USH1C: variants seen among roughly 807,000 people sequenced by gnomAD.
USH1C encodes the protein harmonin.
Under a neutral mutation model 119.3 loss-of-function variants are expected in USH1C, and 90 were observed. The ratio of observed to expected loss-of-function variants is 0.75; its 90% CI spans 0.64 to 0.90. USH1C has a LOEUF of 0.90. Ranked by LOEUF, USH1C falls within the 40% of genes least tolerant of loss-of-function variation. The pLI is 0.00. For synonymous variants in USH1C, 465 were observed against 443.3 expected (o/e 1.05, Z -0.62); for missense variants, 1,165 against 1,167.7 (o/e 1.00, Z 0.03).
chr11:17,502,312 C>A (rs962625009), intron 20 of USH1C, among the ~76,000 whole-genome samples: 2 of 152,104 alleles, frequency 1.3e-5, no homozygotes, highest in African/African-American at 4.8e-5. Context: ...GTCTCAGCCC[C>A]AGCCTCAAGT....
At chr11:17,499,692 T>A (rs1343195980) in intron 23 of USH1C, among the ~76,000 whole-genome samples, 1 of 152,128 alleles carries the variant, frequency 6.6e-6, no homozygotes, top group Admixed American at 6.5e-5. Context: ...ATGGCTGAAA[T>A]GAAAGCTTAA....
intron 8 of USH1C, among the ~76,000 whole-genome samples, chr11:17,525,837 C>G (rs1450329303): frequency 6.6e-6 from 1 of 152,200 alleles, no homozygotes; most frequent in Non-Finnish European, 1.5e-5. Flanking sequence ...AAATTGGGCT[C>G]TGTTAGAGAT....
chr11:17,499,453 GAC>G (rs561797284), intron 23 of USH1C, among the ~76,000 whole-genome samples: 103 of 152,342 alleles, frequency 6.8e-4, no homozygotes, highest in African/African-American at 2.3e-3. Context: ...ACAAATCCAT[GAC>G]AGAGTCTCAG....
intron 18 of USH1C, 72 bp from the exon 19 acceptor site, chr11:17,506,021 AC>A: frequency 1.9e-6 from 3 of 1,606,784 alleles, no homozygotes; most frequent in Non-Finnish European, 2.6e-6. Context: ...TGCTACTTCT[AC>A]ACACATGCAA....
intron 20 of USH1C, among the ~76,000 whole-genome samples, chr11:17,503,748 G>A (rs765087974): frequency 3.3e-5 from 5 of 152,352 alleles, no homozygotes; most frequent in Non-Finnish European, 7.3e-5. Flanking sequence ...CTGTGCCATC[G>A]TGGGCACATT....
chr11:17,517,007 C>T (rs1850179963), intron 14 of USH1C, among the ~76,000 whole-genome samples: 1 of 152,186 alleles, frequency 6.6e-6, no homozygotes, highest in Non-Finnish European at 1.5e-5. Flanking sequence ...GAATTACCCA[C>T]CCCGGACCAG....
In USH1C at chr11:17,494,078, A is replaced by G; in HGVS notation, c.*254T>C. ...GGAGAGACCAAATTCACTGGGCCAG[A>G]GGAAAGGAATGAGAGTCTGGATCCT... On this transcript the variant is annotated 3_prime_UTR_variant, in exon 27 of 27. Transcript: ENST00000005226. 1 of 544,174 alleles carries G rather than the reference A, an allele frequency of 1.8e-6. No homozygotes were observed. Among genetic ancestry groups the G allele is most frequent in the Non-Finnish European group, 3.3e-6 (1 of 301,602 alleles). 33.7% of individuals were successfully genotyped at this position (544,174 alleles called of 1,614,324 possible).
At chr11:17,500,800 G>A (rs1171137503) in intron 23 of USH1C, among the ~76,000 whole-genome samples, 3 of 152,114 alleles carry the variant, frequency 2.0e-5, no homozygotes, top group African/African-American at 4.8e-5. Context: ...GCAATTCTGA[G>A]TCCGTCTCCC....
In USH1C at chr11:17,531,044, G is replaced by C; in HGVS notation, c.387+110C>G. ...GCGCCAGCCTCTTCTTCACCCGAAG[G>C]CTCAGAAAAGTGGGTGACCATGTTG... On this transcript the variant is annotated intron_variant, in intron 4 of 26. Transcript: ENST00000005226. The surrounding 1 kb of genome is among the most constrained non-coding windows in gnomAD (Gnocchi z 4.2). 1.3e-6 allele frequency: 2 copies of C among 1,549,304 alleles called. No homozygotes were observed. The highest frequency in any genetic ancestry group is 1.8e-6 in the Non-Finnish European group (2 of 1,136,958).
intron 15 of USH1C, among the ~76,000 whole-genome samples, chr11:17,514,803 T>C (rs200265916): frequency 0.48 from 70,808 of 148,106 alleles, 18,142 homozygotes; most frequent in East Asian, 0.63. Flanking sequence ...AATTCTTTTT[T>C]TTTTTTTTTT....
At position 17,530,816 on chromosome 11, in the gene USH1C, A is replaced by T. The variant is rs183796032; in HGVS notation, c.387+338T>A. ...GGCTTTCTTTCCCCCTGCTGGTAAA[A>T]GGCAACAGGTCCAAAACTTCATATG... On this transcript the variant is annotated intron_variant, in intron 4 of 26. Transcript: ENST00000005226. Among the ~76,000 whole-genome samples, 75 of 152,288 alleles carry T rather than the reference A, an allele frequency of 4.9e-4. 1 individual carries two copies. In the East Asian group the frequency reaches 9.3e-3, roughly 19 times the overall value.
chr11:17,499,887 C>T (rs1204566352), intron 23 of USH1C, among the ~76,000 whole-genome samples: 1 of 152,230 alleles, frequency 6.6e-6, no homozygotes, highest in East Asian at 1.9e-4. Flanking sequence ...ATGGTACAGC[C>T]TGGCTCCAGC....
chr11:17,516,505 C>G (rs958647726), intron 14 of USH1C: 1 of 594,500 alleles, frequency 1.7e-6, no homozygotes, highest in Non-Finnish European at 3.1e-6. Flanking sequence ...AGAAAAGCCC[C>G]GGTTCCCAGG....
chr11:17,522,705 G>A (rs1250067541), intron 12 of USH1C, 79 bp downstream of exon 12: 2 of 1,603,154 alleles, frequency 1.2e-6, no homozygotes, highest in South Asian at 1.1e-5. Context: ...TGGGGACACA[G>A]CGGGCAGGAA....
At chr11:17,539,770 C>CTCTCTGTCTCTG (rs113814329) in intron 1 of USH1C, among the ~76,000 whole-genome samples, 3 of 150,936 alleles carry the variant, frequency 2.0e-5, no homozygotes, top group Admixed American at 6.6e-5. Context: ...GTCTAGGGTT[C>CTCTCTGTCTCTG]TCTCTGTCTC....
In USH1C at chr11:17,544,267, C is replaced by G; in HGVS notation, c.36+5G>C. 6.2e-7 allele frequency: 1 copy of G among 1,614,024 alleles called. No homozygotes were observed. ...CAGAAGCCTGGGGCGCCCTGCAGCT[C>G]TGACCTTATGCCGGAATTCTCGGGC... On this transcript the variant is annotated splice_donor_5th_base_variant and intron_variant, in intron 1 of 26. Coordinates refer to ENST00000005226, the MANE Select transcript of USH1C (RefSeq NM_153676.4).
chr11:17,534,975 C>T (rs1851175085), intron 1 of USH1C, among the ~76,000 whole-genome samples: 1 of 151,922 alleles, frequency 6.6e-6, no homozygotes, highest in African/African-American at 2.4e-5. Flanking sequence ...GCCTTTCGCA[C>T]CCACCACCTC....
chr11:17,512,430 A>G (rs932815438), intron 15 of USH1C, among the ~76,000 whole-genome samples: 1 of 152,214 alleles, frequency 6.6e-6, no homozygotes, highest in African/African-American at 2.4e-5. Flanking sequence ...ACTTTGTAAA[A>G]GTTCTGTATA....
rs1223806113 is a variant in USH1C at position 17,524,844 on chromosome 11, T to TATTTTTTTAA, written c.675-319_675-310dup. Among the ~76,000 whole-genome samples the TATTTTTTTAA allele has an allele frequency of 4.5e-3, 691 of 152,302 alleles. 5 individuals carry two copies. The highest frequency in any genetic ancestry group is 0.016 in the African/African-American group (646 of 41,554). On this transcript the variant is annotated intron_variant, in intron 8 of 26. Coordinates refer to ENST00000005226, the MANE Select transcript of USH1C (RefSeq NM_153676.4). ...CTATAAGGTTTTTACCAGATCCTCT[T>TATTTTTTTAA]ATTTTTTTAAATTTATTTTTTAGAG...
Sources: gnomAD v4.1 joint callset for allele counts (sites outside exome capture counted in the v4.1 genomes callset) on GRCh38, gnomAD v4.1.1 for gene constraint, Gnocchi (gnomAD v3.1) non-coding constraint, MANE v1.5 for transcripts, NCBI Gene and HGNC (gene_info 2026-07-23, HGNC 2026-07-21) for gene names.